Variants in MTMR7 observed in about 807,000 individuals in gnomAD.
The protein encoded by MTMR7 is myotubularin related protein 7.
Under a neutral mutation model 81.2 loss-of-function variants are expected in MTMR7, and 76 were observed. The observed-to-expected ratio is 0.94, with a 90% CI of 0.78 to 1.13. The LOEUF is 1.13. Among genes scored for constraint, MTMR7 ranks in the 50% most tolerant of loss-of-function variants. The pLI is 0.00. For missense variants in MTMR7, 1,044 were observed against 820.0 expected, an observed-to-expected ratio of 1.27 and a Z score of -3.34; for synonymous variants, 372 against 289.8, an observed-to-expected ratio of 1.28 and a Z score of -2.88.
intron 1 of MTMR7, among the ~76,000 whole-genome samples, chr8:17,413,008 T>G: frequency 6.6e-6 from 1 of 152,198 alleles, no homozygotes; most frequent in East Asian, 1.9e-4. Flanking sequence ...TTCCCTCCCG[T>G]TCACCCTTGT....
At chr8:17,382,641 T>TAA (rs756924574) in intron 1 of MTMR7, among the ~76,000 whole-genome samples, 26 of 152,212 alleles carry the variant, frequency 1.7e-4, no homozygotes, top group Non-Finnish European at 3.5e-4. Flanking sequence ...AGAACAATCT[T>TAA]AGTGTCTCAA....
At chr8:17,323,249 C>G (rs983170729) in intron 7 of MTMR7, among the ~76,000 whole-genome samples, 1 of 151,988 alleles carries the variant, frequency 6.6e-6, no homozygotes, top group African/African-American at 2.4e-5. Flanking sequence ...ACCCAGCCAA[C>G]AGAATTATCT....
rs903894271 is a variant in MTMR7, at chr8:17,387,872, G to A, written c.25-14632C>T. Among the ~76,000 whole-genome samples, 6 of 152,170 alleles carry A rather than the reference G, an allele frequency of 3.9e-5. 1 individual carries two copies. Among genetic ancestry groups the A allele is most frequent in the African/African-American group, 1.4e-4 (6 of 41,426 alleles). On this transcript the variant is annotated intron_variant, in intron 1 of 13. Transcript: ENST00000180173. ...AAAAATTCTTGATGATTTTGGATAAGCCTGAGTGTTTATAAATGGGCAGGT... is the reference window on the plus strand; with the variant it reads ...AAAAATTCTTGATGATTTTGGATAAACCTGAGTGTTTATAAATGGGCAGGT...
In MTMR7 at chr8:17,316,697, C is replaced by G. The variant is rs574737658; in HGVS notation, c.866-3296G>C. Among the ~76,000 whole-genome samples the G allele has an allele frequency of 4.3e-4, 65 of 152,116 alleles. 3 individuals are homozygous for G. In the South Asian group the frequency reaches 0.013, roughly 30 times the overall value. Reference sequence around the variant, plus strand: ...ACAAAAAATAATGGTAATAGAAAACCAATCCAGTGTAACGACTATTTACAC... The same window carrying G: ...ACAAAAAATAATGGTAATAGAAAACGAATCCAGTGTAACGACTATTTACAC... On this transcript the variant is annotated intron_variant, in intron 7 of 13. Coordinates refer to ENST00000180173, the MANE Select transcript of MTMR7 (RefSeq NM_004686.5).
At chr8:17,329,489 A>G (rs56127757) in intron 7 of MTMR7, among the ~76,000 whole-genome samples, 23,439 of 152,024 alleles carry the variant, frequency 0.15, 2,327 homozygotes, top group African/African-American at 0.28. Flanking sequence ...CCACAGGCAT[A>G]AGGGCAGGAG....
In MTMR7 at chr8:17,300,002, G is replaced by A; in HGVS notation, c.1843C>T (p.Pro615Ser). ...LTQDNLKSSD[P>S]DLSANSDQES... is the part of the protein sequence containing the mutation. ...TGGTCACTGTTGGCTGACAGATCTG[G>A]ATCTGAACTTTTCAGATTGTCTTGG... The change falls in exon 14 of 14, where the codon CCA (proline) becomes TCA (serine). Residue 615 changes from proline to serine, a missense_variant. By Grantham distance (74) the Pro-to-Ser change is moderately conservative. Transcript: ENST00000180173. 1 of 1,614,108 alleles carries A rather than the reference G, an allele frequency of 6.2e-7. No individual in the cohort carries two copies. The highest frequency in any genetic ancestry group is 8.5e-7 in the Non-Finnish European group (1 of 1,180,010).
chr8:17,311,430 C>T (rs1244257539), intron 9 of MTMR7, 81 bp downstream of exon 9: 4 of 1,568,808 alleles, frequency 2.5e-6, no homozygotes, highest in East Asian at 2.3e-5. Context: ...AAGAAAACAG[C>T]AGTTGCCAGT....
chr8:17,300,173 T>C lies in MTMR7; in HGVS notation c.1672A>G (p.Lys558Glu), dbSNP rs762888547. ...GAGTGCTTGCTGGGCTCACTTTGCT[T>C]ACTCTTCACCTTAGTGCAATTTAAC... ...VQLNCTKVKS[K>E]QSEPSKHSGF... Residue 558 changes from lysine (K) to glutamate (E), a missense_variant, in exon 14 of 14, where the codon AAG (lysine) becomes GAG (glutamate). Physicochemically the swap from Lys to Glu is moderately conservative, Grantham distance 56 (BLOSUM62 1). Transcript: ENST00000180173. 5 of 1,614,002 alleles carry C rather than the reference T, an allele frequency of 3.1e-6. No homozygotes were observed. In the African/African-American group the frequency reaches 5.3e-5, roughly 17 times the overall value.
intron 2 of MTMR7, among the ~76,000 whole-genome samples, chr8:17,371,431 T>C (rs532311936): frequency 2.2e-4 from 34 of 152,362 alleles, no homozygotes; most frequent in African/African-American, 7.9e-4. Flanking sequence ...GACAGTTATT[T>C]TGAAGTAAAC....
At chr8:17,307,726 T>G (rs888749059) in intron 10 of MTMR7, among the ~76,000 whole-genome samples, 10 of 152,230 alleles carry the variant, frequency 6.6e-5, no homozygotes, top group African/African-American at 1.2e-4. Flanking sequence ...ATGAGTTCAT[T>G]TCCTTTGTAG....
intron 1 of MTMR7, among the ~76,000 whole-genome samples, chr8:17,391,288 G>A (rs1358740800): frequency 6.6e-6 from 1 of 152,132 alleles, no homozygotes; most frequent in South Asian, 2.1e-4. Context: ...TTTACAGGGG[G>A]AGGGTGGCAG....
chr8:17,354,624 T>C (rs720800), intron 4 of MTMR7, among the ~76,000 whole-genome samples: 54,783 of 152,004 alleles, frequency 0.36, 12,643 homozygotes, highest in East Asian at 0.71. Context: ...ATTTCCACCA[T>C]CGACAATTGT....
intron 6 of MTMR7, among the ~76,000 whole-genome samples, 177 bp from the exon 7 acceptor site, chr8:17,331,459 C>A (rs1159908458): frequency 1.3e-5 from 2 of 152,230 alleles, no homozygotes; most frequent in Non-Finnish European, 2.9e-5. Flanking sequence ...GGGACTCCTG[C>A]TGAGCTTATA....
chr8:17,373,267 G>A (rs372259719), intron 1 of MTMR7, 27 bp from the exon 2 acceptor site: 1 of 1,600,636 alleles, frequency 6.2e-7, no homozygotes, highest in African/African-American at 1.3e-5. Flanking sequence ...GATGAAAAGA[G>A]TTACCGTAAA....
intron 1 of MTMR7, among the ~76,000 whole-genome samples, chr8:17,400,017 G>A (rs1400326199): frequency 6.6e-6 from 1 of 151,990 alleles, no homozygotes; most frequent in Non-Finnish European, 1.5e-5. Flanking sequence ...CTGTTTGTAT[G>A]CTTTTCTCTA....
chr8:17,361,468 G>A (rs1054500221), intron 3 of MTMR7, among the ~76,000 whole-genome samples, 194 bp from the exon 4 acceptor site: 4 of 152,142 alleles, frequency 2.6e-5, no homozygotes, highest in Admixed American at 2.6e-4. Flanking sequence ...AGATGACCTT[G>A]GGGTACCTGA....
intron 1 of MTMR7, among the ~76,000 whole-genome samples, chr8:17,379,851 T>G (rs1480161251): frequency 6.6e-6 from 1 of 152,160 alleles, no homozygotes; most frequent in African/African-American, 2.4e-5. Context: ...TCTCCAGGGA[T>G]GGAGTGAACA....
rs1438203057 is a variant in MTMR7, at chr8:17,315,676, T to C, written c.866-2275A>G. Among the ~76,000 whole-genome samples the C allele has an allele frequency of 3.9e-5, 6 of 152,160 alleles. No individual in the cohort carries two copies. The East Asian group carries it at 9.7e-4, about 25-fold the overall frequency. On this transcript the variant is annotated intron_variant, in intron 7 of 13. Coordinates refer to ENST00000180173, the MANE Select transcript of MTMR7 (RefSeq NM_004686.5). Reference sequence around the variant, plus strand: ...CATGATAATGTAACAGACATCCAGATTGGCCACAACTGCTCCAGATGTCTC... The same window carrying C: ...CATGATAATGTAACAGACATCCAGACTGGCCACAACTGCTCCAGATGTCTC...
intron 2 of MTMR7, among the ~76,000 whole-genome samples, chr8:17,372,676 G>A (rs1038639008): frequency 5.9e-5 from 9 of 152,226 alleles, no homozygotes; most frequent in Admixed American, 4.6e-4. Flanking sequence ...AATACCTGAT[G>A]ATGAAGCTCC....
Sources: gnomAD v4.1 joint callset for allele counts (sites outside exome capture counted in the v4.1 genomes callset) on GRCh38, gnomAD v4.1.1 for gene constraint, MANE v1.5 for transcripts, NCBI Gene and HGNC (gene_info 2026-07-23, HGNC 2026-07-21) for gene names.